The following GLT8D2 variants were observed in gnomAD, a reference collection of about 807,000 sequenced individuals.
GLT8D2 encodes glycosyltransferase 8 domain-containing protein 2.
Under a neutral mutation model 44.5 loss-of-function variants are expected in GLT8D2, and 45 were observed. The ratio of observed to expected loss-of-function variants is 1.01; its 90% confidence interval spans 0.80 to 1.30. The LOEUF (loss-of-function observed/expected upper bound fraction) is 1.30, where lower values mean the gene tolerates loss of function less well. Ranked by LOEUF, GLT8D2 falls within the 50% of genes most tolerant of loss-of-function variation. GLT8D2 has a pLI of 0.00. For missense variants in GLT8D2, 400 were observed against 430.4 expected (o/e 0.93, Z 0.62); for synonymous variants, 156 against 157.2 (o/e 0.99, Z 0.06).
At chr12:103,992,262 C>G (rs1304058088) in intron 10 of GLT8D2, among the ~76,000 whole-genome samples, 1 of 152,138 alleles carries the variant, frequency 6.6e-6, no homozygotes, top group East Asian at 1.9e-4. Flanking sequence ...TACTCTAAAC[C>G]CTACACTTGT....
At chr12:104,051,075 A>G (rs963076672), upstream of GLT8D2, among the ~76,000 whole-genome samples, 71 of 151,942 alleles carry the variant, frequency 4.7e-4, 1 homozygote, top group African/African-American at 1.7e-3. Context: ...CAGCCTCCCA[A>G]AGTGCTGGGA....
At chr12:104,036,777 T>TC (rs1414711713) in intron 1 of GLT8D2, among the ~76,000 whole-genome samples, 1 of 152,102 alleles carries the variant, frequency 6.6e-6, no homozygotes, top group Non-Finnish European at 1.5e-5. Context: ...AACAAGAATA[T>TC]CCAAGACTTG....
intron 1 of GLT8D2, among the ~76,000 whole-genome samples, chr12:104,056,299 C>T (rs1882179382): frequency 6.6e-6 from 1 of 152,166 alleles, no homozygotes; most frequent in Admixed American, 6.5e-5. Context: ...CGAGTTCTGC[C>T]CACTTGCTAG....
At chr12:104,055,130 A>G (rs182182925), upstream of GLT8D2, among the ~76,000 whole-genome samples, 1,328 of 152,314 alleles carry the variant, frequency 8.7e-3, 24 homozygotes, top group African/African-American at 0.03. Context: ...GAGGGTGGCC[A>G]GCAAGAGCGG....
chr12:104,002,467 G>A (rs1284495030), intron 5 of GLT8D2, among the ~76,000 whole-genome samples: 2 of 152,156 alleles, frequency 1.3e-5, no homozygotes, highest in East Asian at 3.9e-4. Flanking sequence ...TTTCATCATT[G>A]TAAAGTTTTT....
chr12:104,042,782 C>G (rs1880698103), intron 1 of GLT8D2, among the ~76,000 whole-genome samples: 1 of 152,044 alleles, frequency 6.6e-6, no homozygotes, highest in Non-Finnish European at 1.5e-5. Context: ...CAAAAAAAAT[C>G]ACACACACAC....
chr12:104,016,793 AGG>A (rs1876816765), intron 3 of GLT8D2, among the ~76,000 whole-genome samples: 1 of 145,228 alleles, frequency 6.9e-6, no homozygotes, highest in African/African-American at 2.6e-5. Flanking sequence ...GAAGGAAGGA[AGG>A]AAGGAAGGAA....
At chr12:104,005,791 T>C (rs929688342) in intron 4 of GLT8D2, among the ~76,000 whole-genome samples, 1 of 152,198 alleles carries the variant, frequency 6.6e-6, no homozygotes, top group African/African-American at 2.4e-5. Context: ...GGTGGAACTG[T>C]AAACTGGTTC....
chr12:104,059,665 G>GACATTGGGGGTC (rs11272249), intron 1 of GLT8D2, among the ~76,000 whole-genome samples: 39,524 of 152,076 alleles, frequency 0.26, 7,050 homozygotes, highest in African/African-American at 0.48. Flanking sequence ...AAGGAGAGCA[G>GACATTGGGGGTC]ATCTTGAAGG....
intron 4 of GLT8D2, among the ~76,000 whole-genome samples, chr12:104,012,402 A>G (rs1344926495): frequency 6.6e-6 from 1 of 152,106 alleles, no homozygotes; most frequent in Non-Finnish European, 1.5e-5. Context: ...TAATGGATCC[A>G]TTCATGCGGT....
intron 4 of GLT8D2, chr12:104,014,288 G>A (rs938596548): frequency 2.0e-5 from 14 of 700,636 alleles, no homozygotes; most frequent in Non-Finnish European, 3.4e-5. Flanking sequence ...CCTGGAGGTC[G>A]AGGCTGCAGG....
chr12:104,004,446 G>C (rs1023428419), intron 4 of GLT8D2, among the ~76,000 whole-genome samples: 8 of 152,108 alleles, frequency 5.3e-5, no homozygotes, highest in African/African-American at 1.7e-4. Context: ...AACTGTCCCT[G>C]TTTGCAGATG....
chr12:104,003,590 T>C (rs757736687), intron 4 of GLT8D2, among the ~76,000 whole-genome samples: 8 of 152,228 alleles, frequency 5.3e-5, no homozygotes, highest in Non-Finnish European at 1.2e-4. Context: ...CTGCTGGGTC[T>C]ACCCTTCAAA....
intron 1 of GLT8D2, chr12:104,031,442 A>G (rs1879243934): frequency 3.1e-6 from 5 of 1,612,572 alleles, no homozygotes; most frequent in Admixed American, 3.3e-5. Flanking sequence ...TGAATTGGAC[A>G]AGAACTTGAA....
At chr12:104,056,933 T>C (rs1397418513) in intron 1 of GLT8D2, among the ~76,000 whole-genome samples, 2 of 152,198 alleles carry the variant, frequency 1.3e-5, no homozygotes, top group African/African-American at 2.4e-5. Context: ...AAATGGACGA[T>C]AGAATTTGCC....
At chr12:104,033,639 A>C (rs1879584901) in intron 1 of GLT8D2, among the ~76,000 whole-genome samples, 1 of 152,136 alleles carries the variant, frequency 6.6e-6, no homozygotes, top group East Asian at 1.9e-4. Flanking sequence ...AAGAGGGTAG[A>C]TCTTAAGAGT....
At chr12:104,000,735 CTGT>C (rs1319957609) in intron 5 of GLT8D2, among the ~76,000 whole-genome samples, 6 of 152,080 alleles carry the variant, frequency 3.9e-5, no homozygotes, top group East Asian at 3.8e-4. Flanking sequence ...AGTTAATGGG[CTGT>C]TAACAACAGG....
intron 10 of GLT8D2, among the ~76,000 whole-genome samples, chr12:103,991,967 A>C (rs907118464): frequency 6.6e-6 from 1 of 152,210 alleles, no homozygotes; most frequent in Non-Finnish European, 1.5e-5. Flanking sequence ...ATAAGTGCAT[A>C]TCCATTGCCT....
At chr12:104,059,362 G>A (rs896123261) in intron 1 of GLT8D2, among the ~76,000 whole-genome samples, 1 of 152,150 alleles carries the variant, frequency 6.6e-6, no homozygotes, top group East Asian at 1.9e-4. Flanking sequence ...CAGTGGAGCT[G>A]CTCTACTTCA....
Sources: allele counts gnomAD v4.1 joint callset (sites outside exome capture counted in the v4.1 genomes callset), GRCh38; gene constraint gnomAD v4.1.1; transcripts MANE v1.5; gene names NCBI Gene and HGNC (gene_info 2026-07-23, HGNC 2026-07-21).